Variants in MAGI2 observed in about 807,000 individuals in gnomAD.
MAGI2 encodes the protein membrane associated guanylate kinase, WW and PDZ domain containing 2.
Under a neutral mutation model 133.3 loss-of-function variants are expected in MAGI2, and 35 were observed. That is an observed-to-expected ratio of 0.26 (90% CI 0.20 to 0.35). MAGI2 has a LOEUF of 0.35. Ranked by LOEUF, MAGI2 falls within the 10% of genes least tolerant of loss-of-function variation. The pLI is 1.00. For missense variants in MAGI2, 1,636 were observed against 1,863.4 expected (o/e 0.88, Z 2.25); for synonymous variants, 729 against 710.6 (o/e 1.03, Z -0.41).
At chr7:79,271,551 T>A (rs1834878484) in intron 1 of MAGI2, among the ~76,000 whole-genome samples, 1 of 152,110 alleles carries the variant, frequency 6.6e-6, no homozygotes, top group South Asian at 2.1e-4. Context: ...TTACATAACC[T>A]TATAAAAACA....
intron 6 of MAGI2, among the ~76,000 whole-genome samples, chr7:78,426,897 G>T (rs530903416): frequency 6.6e-6 from 1 of 152,130 alleles, no homozygotes; most frequent in South Asian, 2.1e-4. Context: ...AACATATTAC[G>T]TACAAATAAA....
rs1486959738 is a variant in MAGI2, at chr7:78,226,808, T to C, written c.2048-25615A>G. On this transcript the variant is annotated intron_variant, in intron 10 of 21. Coordinates refer to ENST00000354212, the MANE Select transcript of MAGI2 (RefSeq NM_012301.4). ...GCTTCTCAAGGAAGAAACTGTTAGG[T>C]AAATGTACAGTCAGATTGACACTTT... Among the ~76,000 whole-genome samples, 7 of 152,212 alleles carry C rather than the reference T, an allele frequency of 4.6e-5. No homozygotes were observed. In the East Asian group the frequency reaches 1.3e-3, roughly 29 times the overall value.
At chr7:78,388,040 A>G (rs1795559502) in intron 6 of MAGI2, among the ~76,000 whole-genome samples, 1 of 152,202 alleles carries the variant, frequency 6.6e-6, no homozygotes, top group African/African-American at 2.4e-5. Flanking sequence ...ATTAAACAGT[A>G]TGAAGTAAAA....
intron 2 of MAGI2, among the ~76,000 whole-genome samples, chr7:78,849,353 C>T (rs796410143): frequency 1.2e-4 from 18 of 152,068 alleles, no homozygotes; most frequent in African/African-American, 4.1e-4. Flanking sequence ...GCAAAGCCAA[C>T]CAACCACCCA....
chr7:79,033,892 G>A (rs1584746651), intron 1 of MAGI2, among the ~76,000 whole-genome samples: 1 of 152,040 alleles, frequency 6.6e-6, no homozygotes, highest in East Asian at 1.9e-4. Flanking sequence ...TTATATCTTT[G>A]AGTTCTAAAT....
At chr7:79,044,682 T>C (rs1812005099) in intron 1 of MAGI2, among the ~76,000 whole-genome samples, 1 of 152,166 alleles carries the variant, frequency 6.6e-6, no homozygotes. Flanking sequence ...CCATAATGTC[T>C]GCCCAAAAGC....
intron 1 of MAGI2, among the ~76,000 whole-genome samples, chr7:79,292,055 T>C (rs752505003): frequency 6.6e-6 from 1 of 152,196 alleles, no homozygotes; most frequent in Non-Finnish European, 1.5e-5. Flanking sequence ...CTATGCTCTA[T>C]GATCCAGTTA....
chr7:78,995,211 A>G (rs577041115), intron 2 of MAGI2, among the ~76,000 whole-genome samples: 1 of 152,138 alleles, frequency 6.6e-6, no homozygotes, highest in Non-Finnish European at 1.5e-5. Flanking sequence ...GTCTTAAAAG[A>G]GTTTACAAGT....
chr7:78,524,763 A>C (rs923068773), intron 3 of MAGI2, among the ~76,000 whole-genome samples: 1 of 77,574 alleles, frequency 1.3e-5, no homozygotes, highest in African/African-American at 8.9e-5. Context: ...AGGGTAGCAC[A>C]GCTTTCAGTA....
chr7:78,414,332 C>G (rs2151384468), intron 6 of MAGI2, among the ~76,000 whole-genome samples: 1 of 151,844 alleles, frequency 6.6e-6, no homozygotes, highest in Admixed American at 6.6e-5. Context: ...GAATATCAGA[C>G]AGAATATCCA....
At chr7:78,988,197 T>A (rs1024501667) in intron 2 of MAGI2, among the ~76,000 whole-genome samples, 1 of 152,006 alleles carries the variant, frequency 6.6e-6, no homozygotes, top group Admixed American at 6.6e-5. Context: ...CTTATTTACA[T>A]CCATGTCCAG....
At chr7:78,764,215 A>G (rs1824788855) in intron 2 of MAGI2, among the ~76,000 whole-genome samples, 1 of 152,230 alleles carries the variant, frequency 6.6e-6, no homozygotes. Flanking sequence ...CAAGAGAGCT[A>G]TACTGGGCAC....
intron 2 of MAGI2, among the ~76,000 whole-genome samples, chr7:78,641,058 C>T (rs1810246862): frequency 6.6e-6 from 1 of 152,140 alleles, no homozygotes; most frequent in South Asian, 2.1e-4. Context: ...TTGCTGGTCA[C>T]TCATTATTCT....
chr7:78,085,195 T>C (rs1342796587), intron 20 of MAGI2, among the ~76,000 whole-genome samples: 2 of 152,170 alleles, frequency 1.3e-5, no homozygotes, highest in African/African-American at 4.8e-5. Flanking sequence ...GAAAACTGTC[T>C]GAGACTCTCT....
At chr7:79,064,405 T>C (rs1181232328) in intron 1 of MAGI2, among the ~76,000 whole-genome samples, 7 of 151,966 alleles carry the variant, frequency 4.6e-5, no homozygotes, top group Admixed American at 1.3e-4. Context: ...GACCACAGAG[T>C]TGGTTTTAGC....
chr7:78,861,663 A>G (rs550334170), intron 2 of MAGI2, among the ~76,000 whole-genome samples: 3 of 152,376 alleles, frequency 2.0e-5, no homozygotes, highest in South Asian at 2.1e-4. Flanking sequence ...CAAAATAAAA[A>G]TAATGATAAT....
At chr7:78,392,094 AGATAC>A (rs1795944025) in intron 6 of MAGI2, among the ~76,000 whole-genome samples, 2 of 152,214 alleles carry the variant, frequency 1.3e-5, no homozygotes, top group Admixed American at 1.3e-4. Flanking sequence ...ATACAAGAGA[AGATAC>A]GATCCTTGCC....
chr7:79,136,035 A>AGG, intron 1 of MAGI2, among the ~76,000 whole-genome samples: 1 of 141,866 alleles, frequency 7.0e-6, no homozygotes, highest in African/African-American at 2.9e-5. Context: ...GAAGGAAAGA[A>AGG]AGAAAGAAAG....
chr7:79,141,426 C>T (rs529780016), intron 1 of MAGI2, among the ~76,000 whole-genome samples: 2 of 152,142 alleles, frequency 1.3e-5, no homozygotes, highest in African/African-American at 2.4e-5. Flanking sequence ...TCCTCACCAC[C>T]TCATACATGT....
Sources: gnomAD v4.1 joint callset for allele counts (sites outside exome capture counted in the v4.1 genomes callset) on GRCh38, gnomAD v4.1.1 for gene constraint, MANE v1.5 for transcripts, NCBI Gene and HGNC (gene_info 2026-07-23, HGNC 2026-07-21) for gene names.